The following OPCML variants were observed in gnomAD, a reference collection of about 807,000 sequenced individuals.
OPCML encodes opioid-binding protein/cell adhesion molecule.
A neutral mutation model predicts 37.8 loss-of-function variants in OPCML; 13 were observed. The ratio of observed to expected loss-of-function variants is 0.34; its 90% confidence interval spans 0.22 to 0.55. The LOEUF is 0.55. Among genes scored for constraint, OPCML ranks in the 20% least tolerant of loss-of-function variants. The pLI, the probability that OPCML is intolerant of heterozygous loss-of-function variation, is 0.91. For synonymous variants in OPCML, 176 were observed against 168.8 expected (o/e 1.04, Z -0.33); for missense variants, 341 against 435.6 (o/e 0.78, Z 1.93).
intron 1 of OPCML, among the ~76,000 whole-genome samples, chr11:133,522,897 C>A (rs150412969): frequency 1.3e-5 from 2 of 152,122 alleles, no homozygotes; most frequent in Non-Finnish European, 2.9e-5. Flanking sequence ...TTGTAGGGAG[C>A]CAGCCATAGA....
At chr11:132,955,221 A>T (rs1439347432) in intron 1 of OPCML, among the ~76,000 whole-genome samples, 1 of 151,992 alleles carries the variant, frequency 6.6e-6, no homozygotes, top group African/African-American at 2.4e-5. Context: ...AGTCCTGAAT[A>T]TTTTTTTAAT....
At chr11:133,184,214 T>C (rs568061293) in intron 1 of OPCML, among the ~76,000 whole-genome samples, 95 of 152,282 alleles carry the variant, frequency 6.2e-4, no homozygotes, top group African/African-American at 2.3e-3. Context: ...CCCACTGTAA[T>C]AAGACACCAC....
intron 2 of OPCML, among the ~76,000 whole-genome samples, chr11:132,694,572 T>A (rs958634435): frequency 6.6e-6 from 1 of 152,172 alleles, no homozygotes; most frequent in Admixed American, 6.5e-5. Flanking sequence ...AAAGAAGATA[T>A]AAAAAATGAA....
chr11:133,404,057 C>T (rs1172382034), intron 1 of OPCML, among the ~76,000 whole-genome samples: 1 of 152,214 alleles, frequency 6.6e-6, no homozygotes, highest in Non-Finnish European at 1.5e-5. Context: ...CCTAGAGGCC[C>T]GGAGGGAGAA....
At chr11:132,423,373 T>C (rs2095966742) in intron 7 of OPCML, among the ~76,000 whole-genome samples, 1 of 152,220 alleles carries the variant, frequency 6.6e-6, no homozygotes, top group Non-Finnish European at 1.5e-5. Context: ...TTTAATCCAC[T>C]ACGATACACA....
intron 2 of OPCML, among the ~76,000 whole-genome samples, chr11:132,868,658 T>C (rs1458955584): frequency 6.6e-6 from 1 of 152,146 alleles, no homozygotes; most frequent in Non-Finnish European, 1.5e-5. Flanking sequence ...TAAAGGGCCA[T>C]TGTTTCTCTC....
chr11:132,729,914 A>G (rs1300634740), intron 2 of OPCML, among the ~76,000 whole-genome samples: 2 of 152,046 alleles, frequency 1.3e-5, no homozygotes, highest in African/African-American at 4.8e-5. Flanking sequence ...CTTTTCCAGG[A>G]CAGACTATTC....
chr11:133,437,313 A>G (rs1946253723), intron 1 of OPCML, among the ~76,000 whole-genome samples: 1 of 152,306 alleles, frequency 6.6e-6, no homozygotes, highest in South Asian at 2.1e-4. Context: ...ATAGGGGCTA[A>G]GATGAGATGG....
chr11:133,506,201 GA>G (rs1431512869), intron 1 of OPCML, among the ~76,000 whole-genome samples: 1 of 152,170 alleles, frequency 6.6e-6, no homozygotes, highest in East Asian at 1.9e-4. Context: ...CCCCTGGAAA[GA>G]AAGTGTCTTG....
At chr11:133,063,079 C>T (rs936439697) in intron 1 of OPCML, among the ~76,000 whole-genome samples, 2 of 152,332 alleles carry the variant, frequency 1.3e-5, no homozygotes, top group African/African-American at 4.8e-5. Context: ...TGTCTCAGCA[C>T]GTGCTGTGAG....
At chr11:133,232,860 G>C (rs1940338917) in intron 1 of OPCML, among the ~76,000 whole-genome samples, 1 of 152,310 alleles carries the variant, frequency 6.6e-6, no homozygotes, top group African/African-American at 2.4e-5. Flanking sequence ...ATCATTAAAA[G>C]TACAGACATT....
At position 132,540,382 on chromosome 11, in the gene OPCML, C is replaced by A. The variant is rs190363204; in HGVS notation, c.380-11196G>T. 6.0e-4 allele frequency among the ~76,000 whole-genome samples: 91 copies of A among 152,258 alleles called. 1 individual carries two copies. The highest frequency in any genetic ancestry group is 3.4e-3 in the Middle Eastern group (1 of 294). ...CTGGTAGGTGCTCAATCAATATGTG[C>A]TAAATGTAATTGCTAATGCCAGGAG... On this transcript the variant is annotated intron_variant, in intron 3 of 7. Coordinates refer to ENST00000524381, the MANE Select transcript of OPCML (RefSeq NM_001012393.5).
chr11:132,994,218 C>T (rs1591889816), intron 1 of OPCML, among the ~76,000 whole-genome samples: 1 of 152,220 alleles, frequency 6.6e-6, no homozygotes, highest in Non-Finnish European at 1.5e-5. Context: ...GCGGCTGGTG[C>T]GCTCCTGCCA....
rs1293003742 is a variant in OPCML at position 133,205,334 on chromosome 11, C to T, written c.62-262324G>A. ...GCTGCCTTGCCCCACACACCTCTTC[C>T]AGCCGGCTGCTCCCCTGTATCCTCT... On this transcript the variant is annotated intron_variant, in intron 1 of 7. Coordinates refer to ENST00000524381, the MANE Select transcript of OPCML (RefSeq NM_001012393.5). The surrounding 1 kb of genome is among the most constrained non-coding windows in gnomAD (Gnocchi z 4.8). Among the ~76,000 whole-genome samples, 1 of 152,174 alleles carries T rather than the reference C, an allele frequency of 6.6e-6. No homozygotes were observed. The highest frequency in any genetic ancestry group is 1.5e-5 in the Non-Finnish European group (1 of 68,038).
intron 1 of OPCML, among the ~76,000 whole-genome samples, chr11:133,499,881 T>G (rs1324892661): frequency 6.9e-6 from 1 of 144,758 alleles, no homozygotes; most frequent in South Asian, 2.2e-4. Context: ...TATATTTTTT[T>G]TTTTTTTTGA....
intron 2 of OPCML, among the ~76,000 whole-genome samples, chr11:132,712,895 C>G (rs995981826): frequency 1.3e-5 from 2 of 152,234 alleles, no homozygotes; most frequent in African/African-American, 4.8e-5. Flanking sequence ...TGCTAGCCCA[C>G]GTCGGCTTAA....
At chr11:132,635,686 G>A (rs1473757307) in intron 3 of OPCML, among the ~76,000 whole-genome samples, 2 of 152,206 alleles carry the variant, frequency 1.3e-5, no homozygotes, top group Non-Finnish European at 1.5e-5. Flanking sequence ...AGATTGTGCT[G>A]TCATCAAAAT....
At chr11:133,091,973 G>A (rs973516209) in intron 1 of OPCML, among the ~76,000 whole-genome samples, 1 of 152,182 alleles carries the variant, frequency 6.6e-6, no homozygotes, top group Non-Finnish European at 1.5e-5. Flanking sequence ...CAAAATTCGT[G>A]TGCAGAAACT....
chr11:133,058,475 G>T (rs531493376), intron 1 of OPCML, among the ~76,000 whole-genome samples: 81 of 152,260 alleles, frequency 5.3e-4, no homozygotes, highest in Non-Finnish European at 9.4e-4. Context: ...TAAATGGGGC[G>T]GGCAGGTGTC....
Sources: allele counts gnomAD v4.1 joint callset (sites outside exome capture counted in the v4.1 genomes callset), GRCh38; gene constraint gnomAD v4.1.1; non-coding constraint Gnocchi (gnomAD v3.1); transcripts MANE v1.5; gene names NCBI Gene and HGNC (gene_info 2026-07-23, HGNC 2026-07-21).